Variants in KAT6B observed in about 807,000 individuals in gnomAD.
KAT6B encodes the protein histone acetyltransferase KAT6B.
In KAT6B, 10 loss-of-function variants were observed where a neutral mutation model predicts 187.5. The ratio of observed to expected loss-of-function variants is 0.05; its 90% CI spans 0.03 to 0.09. KAT6B has a LOEUF of 0.09. Ranked by LOEUF, KAT6B falls within the 10% of genes least tolerant of loss-of-function variation. KAT6B has a pLI of 1.00. For missense variants in KAT6B, 1,952 were observed against 2,558.9 expected (o/e 0.76, Z 5.12); for synonymous variants, 861 against 926.8 (o/e 0.93, Z 1.29).
At chr10:74,999,504 G>T (rs1843683359) in intron 13 of KAT6B, among the ~76,000 whole-genome samples, 1 of 152,206 alleles carries the variant, frequency 6.6e-6, no homozygotes, top group Non-Finnish European at 1.5e-5. Context: ...AATAAAGAAT[G>T]AGGAGCTCGC....
chr10:74,956,954 A>G (rs529283155), intron 3 of KAT6B, among the ~76,000 whole-genome samples: 1 of 152,358 alleles, frequency 6.6e-6, no homozygotes, highest in African/African-American at 2.4e-5. Context: ...AATTTCAAAG[A>G]AAGGAATTAA....
At chr10:74,956,444 GT>G (rs1336490833) in intron 3 of KAT6B, among the ~76,000 whole-genome samples, 3 of 152,126 alleles carry the variant, frequency 2.0e-5, no homozygotes, top group African/African-American at 7.2e-5. Flanking sequence ...CTTTTTAATA[GT>G]TTTAAAAACC....
chr10:74,976,158 G>A lies in KAT6B; in HGVS notation c.1821G>A (p.Gly607=). 6.2e-7 allele frequency: 1 copy of A among 1,614,168 alleles called. No homozygotes were observed. Among genetic ancestry groups the A allele is most frequent in the Non-Finnish European group, 8.5e-7 (1 of 1,180,026 alleles). ...CTCACTCCTCCTCCTCTAGCTGGGG[G>A]ATGGCTAGAGGAAGTATTTTTAAAG... is the stretch of plus-strand genomic sequence containing the variant. The part of the protein sequence containing the change: ...FISHSSSSSW[G]MARGSIFKAI... Residue 607 remains glycine (G), a synonymous_variant, in exon 8 of 18, where the codon GGG becomes GGA. Coordinates refer to ENST00000287239, the MANE Select transcript of KAT6B (RefSeq NM_012330.4).
At chr10:74,893,509 G>A (rs559295224) in intron 3 of KAT6B, among the ~76,000 whole-genome samples, 2 of 146,800 alleles carry the variant, frequency 1.4e-5, no homozygotes, top group African/African-American at 2.5e-5. Flanking sequence ...CGTTCTTGTT[G>A]CCTAGGCTGG....
At chr10:74,969,170 G>C (rs1841688248) in intron 4 of KAT6B, among the ~76,000 whole-genome samples, 1 of 152,190 alleles carries the variant, frequency 6.6e-6, no homozygotes, top group South Asian at 2.1e-4. Flanking sequence ...GGATTTGGGT[G>C]GGGGAGGGCA....
At chr10:74,838,330 G>A (rs1412231336) in intron 1 of KAT6B, among the ~76,000 whole-genome samples, 1 of 152,104 alleles carries the variant, frequency 6.6e-6, no homozygotes, top group East Asian at 1.9e-4. Flanking sequence ...TGTTATATCT[G>A]TTTGGCTATT....
At chr10:75,010,294 G>A (rs1481732634) in intron 13 of KAT6B, among the ~76,000 whole-genome samples, 4 of 152,254 alleles carry the variant, frequency 2.6e-5, no homozygotes, top group Non-Finnish European at 5.9e-5. Flanking sequence ...ACTAGCGACA[G>A]TTTCTCTTAC....
intron 3 of KAT6B, among the ~76,000 whole-genome samples, chr10:74,959,466 G>A (rs1315229891): frequency 6.6e-6 from 1 of 152,174 alleles, no homozygotes; most frequent in Admixed American, 6.5e-5. Flanking sequence ...TAATAAAAAT[G>A]ACTTCTGAGT....
chr10:74,888,755 G>C (rs1845458453), intron 3 of KAT6B, among the ~76,000 whole-genome samples: 1 of 152,134 alleles, frequency 6.6e-6, no homozygotes, highest in African/African-American at 2.4e-5. Context: ...TCCAGCACTG[G>C]AATGGTGAAA....
intron 4 of KAT6B, among the ~76,000 whole-genome samples, chr10:74,966,997 T>C (rs540480767): frequency 1.2e-4 from 18 of 152,110 alleles, no homozygotes; most frequent in African/African-American, 4.3e-4. Flanking sequence ...GCCACCGCAC[T>C]CCAGCCTGGG....
At chr10:74,935,673 G>A (rs1472858181) in intron 3 of KAT6B, among the ~76,000 whole-genome samples, 7 of 152,224 alleles carry the variant, frequency 4.6e-5, no homozygotes, top group African/African-American at 1.7e-4. Context: ...TGAGGCAAGA[G>A]TTTAAACAAG....
intron 13 of KAT6B, among the ~76,000 whole-genome samples, chr10:75,018,543 T>A (rs1845159440): frequency 6.6e-6 from 1 of 152,024 alleles, no homozygotes; most frequent in African/African-American, 2.4e-5. Flanking sequence ...GCGGAAAGCG[T>A]GGGTTTTCTG....
chr10:75,000,041 A>G (rs1001421555), intron 13 of KAT6B, among the ~76,000 whole-genome samples: 78 of 152,118 alleles, frequency 5.1e-4, no homozygotes, highest in African/African-American at 1.8e-3. Context: ...ATGTGGTGGC[A>G]TGTGCCTGTA....
At chr10:74,908,672 T>C (rs1231543222) in intron 3 of KAT6B, among the ~76,000 whole-genome samples, 1 of 152,188 alleles carries the variant, frequency 6.6e-6, no homozygotes, top group African/African-American at 2.4e-5. Flanking sequence ...TGTTTTAGCC[T>C]ATAAAAATGG....
chr10:74,919,830 C>T (rs1160080202), intron 3 of KAT6B, among the ~76,000 whole-genome samples: 1 of 152,176 alleles, frequency 6.6e-6, no homozygotes. Flanking sequence ...ACTCAGTTTA[C>T]TGATTCTCTC....
At chr10:74,907,749 C>G (rs1846879065) in intron 3 of KAT6B, among the ~76,000 whole-genome samples, 1 of 152,152 alleles carries the variant, frequency 6.6e-6, no homozygotes, top group Admixed American at 6.5e-5. Context: ...AGGCTGGTCT[C>G]AAACTCTTGA....
chr10:74,957,198 CA>C (rs1564587583), intron 3 of KAT6B, among the ~76,000 whole-genome samples: 1 of 152,138 alleles, frequency 6.6e-6, no homozygotes, highest in Non-Finnish European at 1.5e-5. Context: ...TCATTTCGTA[CA>C]AGTGACAATT....
chr10:74,873,807 C>A (rs1844195132), intron 3 of KAT6B, among the ~76,000 whole-genome samples: 1 of 152,064 alleles, frequency 6.6e-6, no homozygotes, highest in African/African-American at 2.4e-5. Context: ...CTCTTTTCCT[C>A]AATTCAGCCA....
At chr10:74,912,358 AGATTAAATGGATGGATG>A (rs1847281949) in intron 3 of KAT6B, among the ~76,000 whole-genome samples, 1 of 136,848 alleles carries the variant, frequency 7.3e-6, no homozygotes, top group African/African-American at 2.7e-5. Context: ...ATGGATGGAT[AGATTAAATGGATGGATG>A]GATAGATAGA....
Sources: gnomAD v4.1 joint callset for allele counts (sites outside exome capture counted in the v4.1 genomes callset) on GRCh38, gnomAD v4.1.1 for gene constraint, MANE v1.5 for transcripts, NCBI Gene and HGNC (gene_info 2026-07-23, HGNC 2026-07-21) for gene names.